The following SMG6 variants were observed in gnomAD, a reference collection of about 807,000 sequenced individuals.
SMG6 encodes the protein telomerase-binding protein EST1A.
Under a neutral mutation model 142.2 loss-of-function variants are expected in SMG6, and 66 were observed. The observed-to-expected ratio is 0.46, with a 90% CI of 0.38 to 0.57. The LOEUF is 0.57. Among genes scored for constraint, SMG6 ranks in the 20% least tolerant of loss-of-function variants. SMG6 has a pLI of 0.00. For missense variants in SMG6, 1,793 were observed against 1,832.0 expected (o/e 0.98, Z 0.39); for synonymous variants, 779 against 702.4 (o/e 1.11, Z -1.72).
intron 8 of SMG6, among the ~76,000 whole-genome samples, chr17:2,251,686 C>T (rs1567718855): frequency 6.6e-6 from 1 of 152,202 alleles, no homozygotes; most frequent in Non-Finnish European, 1.5e-5. Context: ...TTAAAGCCAG[C>T]AGACTGAGGG....
At chr17:2,178,105 G>A (rs1226326723) in intron 12 of SMG6, among the ~76,000 whole-genome samples, 1 of 152,196 alleles carries the variant, frequency 6.6e-6, no homozygotes, top group Non-Finnish European at 1.5e-5. Context: ...GGCTTAGCAT[G>A]CCTCTTGGAA....
intron 8 of SMG6, among the ~76,000 whole-genome samples, chr17:2,251,347 C>T (rs1235789546): frequency 6.6e-6 from 1 of 152,024 alleles, no homozygotes; most frequent in Non-Finnish European, 1.5e-5. Context: ...TCAAATCAAC[C>T]CTTAGGCCCC....
chr17:2,245,128 T>C (rs2073900509), intron 8 of SMG6, among the ~76,000 whole-genome samples: 1 of 152,222 alleles, frequency 6.6e-6, no homozygotes, highest in Admixed American at 6.5e-5. Flanking sequence ...TGGGTTATTT[T>C]TCTACCTACC....
At chr17:2,220,844 C>T (rs368860743) in intron 10 of SMG6, among the ~76,000 whole-genome samples, 2 of 152,042 alleles carry the variant, frequency 1.3e-5, no homozygotes, top group African/African-American at 4.8e-5. Context: ...ATTTATACAT[C>T]GTATAGGAAA....
At position 2,236,548 on chromosome 17, in the gene SMG6, C is replaced by G. The variant is rs368650142; in HGVS notation, c.2813G>C (p.Arg938Pro). Residue 938 changes from arginine to proline, a missense_variant, in exon 10 of 19, where the codon CGC (arginine) becomes CCC (proline). Physicochemically the swap from Arg to Pro is moderately radical, Grantham distance 103. Coordinates refer to ENST00000263073, the MANE Select transcript of SMG6 (RefSeq NM_017575.5). ...QHSPSPIGST[R>P]MLQLMTINMF... ...ATTGATGGTCATAAGCTGCAGCATG[C>G]GGGTACTTCCAATGGGAGAGGGGCT... 36 of 1,613,482 alleles carry G rather than the reference C, an allele frequency of 2.2e-5. No individual in the cohort carries two copies. The highest frequency in any genetic ancestry group is 3.0e-5 in the Non-Finnish European group (35 of 1,179,774).
At chr17:2,165,836 T>C (rs1259517726) in intron 13 of SMG6, among the ~76,000 whole-genome samples, 1 of 151,724 alleles carries the variant, frequency 6.6e-6, no homozygotes, top group Non-Finnish European at 1.5e-5. Context: ...ACCCAGGAGG[T>C]CGAGACTGCA....
chr17:2,162,099 A>G (rs2071196632), intron 13 of SMG6, among the ~76,000 whole-genome samples: 1 of 152,240 alleles, frequency 6.6e-6, no homozygotes, highest in African/African-American at 2.4e-5. Flanking sequence ...TAATATATTC[A>G]TACAATATTG....
chr17:2,296,366 T>TG (rs2075142422), intron 4 of SMG6, among the ~76,000 whole-genome samples: 2 of 152,282 alleles, frequency 1.3e-5, no homozygotes, highest in South Asian at 4.1e-4. Context: ...AAACTCAGCT[T>TG]GACAATCTCC....
intron 12 of SMG6, among the ~76,000 whole-genome samples, chr17:2,176,770 G>C (rs896336374): frequency 1.8e-4 from 28 of 152,294 alleles, no homozygotes; most frequent in African/African-American, 6.0e-4. Context: ...GGCTGGAGTC[G>C]GAAAGCCAGA....
chr17:2,220,300 T>C (rs1417653723), intron 10 of SMG6, among the ~76,000 whole-genome samples: 3 of 151,862 alleles, frequency 2.0e-5, no homozygotes, highest in African/African-American at 7.3e-5. Flanking sequence ...GAGAAGAAAA[T>C]GTTCAAAAAG....
chr17:2,186,528 A>G (rs1430603203), intron 12 of SMG6, 135 bp downstream of exon 12: 9 of 1,000,694 alleles, frequency 9.0e-6, no homozygotes, highest in East Asian at 5.3e-5. Flanking sequence ...TATTCAAAAA[A>G]AGTTCAAATA....
At chr17:2,248,008 AGGCAGAAGAATCGCTTGAACCTGGGAGGC>A (rs1597703221) in intron 8 of SMG6, among the ~76,000 whole-genome samples, 1 of 152,160 alleles carries the variant, frequency 6.6e-6, no homozygotes, top group African/African-American at 2.4e-5. Flanking sequence ...TGGGAGGCTG[AGGCAGAAGAATCGCTTGAACCTGGGAGGC>A]GGAGGCTGCA....
intron 10 of SMG6, among the ~76,000 whole-genome samples, chr17:2,205,063 T>A (rs1228588090): frequency 6.6e-6 from 1 of 152,134 alleles, no homozygotes; most frequent in Admixed American, 6.5e-5. Context: ...AACCTGTATG[T>A]ATCTAGTTTT....
At chr17:2,206,341 T>C (rs1448820058) in intron 10 of SMG6, among the ~76,000 whole-genome samples, 1 of 152,032 alleles carries the variant, frequency 6.6e-6, no homozygotes, top group Non-Finnish European at 1.5e-5. Context: ...ACCCCAGCAC[T>C]TTGGGAGGCC....
Position 2,299,376 on chromosome 17 carries a change from G to A in SMG6, c.1377C>T (p.Asn459=), listed in dbSNP as rs1409917895. 1.9e-6 allele frequency: 3 copies of A among 1,613,910 alleles called. No individual in the cohort carries two copies. The highest frequency in any genetic ancestry group is 2.7e-5 in the African/African-American group (2 of 74,914). The change falls in exon 2 of 19, where the codon AAC becomes AAT. Residue 459 remains asparagine (N), a synonymous_variant. Transcript: ENST00000263073. This position sits in a 1 kb window ranked among gnomAD's most constrained non-coding sequence, Gnocchi z 4.3. ...TTAGAGCAGGTTTCTGATCAGGATTGTTTGGGTCCCACAATCGGCGTGTGG... is the reference window on the plus strand; with the variant it reads ...TTAGAGCAGGTTTCTGATCAGGATTATTTGGGTCCCACAATCGGCGTGTGG... The part of the protein sequence containing the change: ...GGTTRRLWDP[N]NPDQKPALKT...
intron 10 of SMG6, among the ~76,000 whole-genome samples, chr17:2,211,996 T>C (rs756469853): frequency 1.3e-5 from 2 of 152,196 alleles, no homozygotes; most frequent in Non-Finnish European, 2.9e-5. Context: ...GCTCCAGAAG[T>C]CAGTACCAAT....
In SMG6 at chr17:2,251,566, C is replaced by A. The variant is rs925785336; in HGVS notation, c.2662-6847G>T. Among the ~76,000 whole-genome samples, 77 of 152,230 alleles carry A rather than the reference C, an allele frequency of 5.1e-4. 1 individual carries two copies. Among genetic ancestry groups the A allele is most frequent in the Non-Finnish European group, 2.1e-4 (14 of 68,038 alleles). On this transcript the variant is annotated intron_variant, in intron 8 of 18. Transcript: ENST00000263073. ...TAAGTGTAAAATGTGCCTTTTAAAACTACCTCTTCCAACTAACGCACCCCT... is the reference window on the plus strand; with the variant it reads ...TAAGTGTAAAATGTGCCTTTTAAAAATACCTCTTCCAACTAACGCACCCCT...
At chr17:2,096,592 T>A (rs114978138) in intron 13 of SMG6, among the ~76,000 whole-genome samples, 5,585 of 152,200 alleles carry the variant, frequency 0.037, 324 homozygotes, top group African/African-American at 0.12. Flanking sequence ...GTGATCCTCC[T>A]GTATTGGCCT....
rs186532415 is a variant in SMG6 at position 2,300,178 on chromosome 17, G to A, written c.575C>T (p.Ala192Val). The change falls in exon 2 of 19, where the codon GCG becomes GTG. Residue 192 changes from alanine to valine, a missense_variant. Physicochemically the swap from Ala to Val is moderately conservative, Grantham distance 64 (BLOSUM62 0). Transcript: ENST00000263073. ...TATCTCAGCCCTGTCTGGTTTATTC[G>A]CAACTTCCTCCTTCGCAACATTTCC... ...CRGNVAKEEV[A>V]NKPDRAEIEK... is the part of the protein sequence containing the mutation. 1.3e-5 allele frequency: 21 copies of A among 1,613,538 alleles called. No homozygotes were observed. Among genetic ancestry groups the A allele is most frequent in the African/African-American group, 4.0e-5 (3 of 74,766 alleles).
Sources: allele counts gnomAD v4.1 joint callset (sites outside exome capture counted in the v4.1 genomes callset), GRCh38; gene constraint gnomAD v4.1.1; non-coding constraint Gnocchi (gnomAD v3.1); transcripts MANE v1.5; gene names NCBI Gene and HGNC (gene_info 2026-07-23, HGNC 2026-07-21).